The following CNTN4 variants were observed in gnomAD, a reference collection of about 807,000 sequenced individuals.
CNTN4 encodes the protein contactin-4.
In CNTN4, 77 loss-of-function variants were observed where a neutral mutation model predicts 122.5. The ratio of observed to expected loss-of-function variants is 0.63; its 90% CI spans 0.52 to 0.76. The LOEUF (loss-of-function observed/expected upper bound fraction) is 0.76. CNTN4 is among the 30% of genes least tolerant of loss of function. The probability of loss-of-function intolerance (pLI) is 0.00; values close to 1 mark genes in which losing one functional copy is unlikely to be tolerated. For missense variants in CNTN4, 1,256 were observed against 1,259.1 expected, an observed-to-expected ratio of 1.00 and a Z score of 0.04; for synonymous variants, 512 against 447.0, an observed-to-expected ratio of 1.15 and a Z score of -1.83.
chr3:2,402,138 C>T (rs1466872876), intron 3 of CNTN4, among the ~76,000 whole-genome samples: 8 of 152,092 alleles, frequency 5.3e-5, no homozygotes, highest in African/African-American at 1.7e-4. Context: ...CTCACTAGGA[C>T]AGCTATCCTC....
At chr3:2,478,278 C>G (rs943922272) in intron 3 of CNTN4, among the ~76,000 whole-genome samples, 2 of 152,192 alleles carry the variant, frequency 1.3e-5, no homozygotes, top group East Asian at 3.9e-4. Context: ...GGATCGAGGG[C>G]TAGAAGTCTA....
At chr3:2,448,240 C>G (rs1461318047) in intron 3 of CNTN4, among the ~76,000 whole-genome samples, 2 of 152,100 alleles carry the variant, frequency 1.3e-5, no homozygotes, top group African/African-American at 4.8e-5. Context: ...AAGCCTGGGG[C>G]AGAGAATGTA....
chr3:2,609,914 C>T (rs1003611551), intron 4 of CNTN4, among the ~76,000 whole-genome samples: 2 of 152,218 alleles, frequency 1.3e-5, no homozygotes, highest in African/African-American at 2.4e-5. Flanking sequence ...TAGCATAAAA[C>T]TTTATTTTCT....
intron 3 of CNTN4, among the ~76,000 whole-genome samples, chr3:2,480,900 A>G (rs1266189441): frequency 1.3e-5 from 2 of 152,226 alleles, no homozygotes; most frequent in East Asian, 3.9e-4. Flanking sequence ...AAGAACAGAC[A>G]AATAGATCAG....
chr3:2,337,614 A>G (rs2044008077), intron 2 of CNTN4, among the ~76,000 whole-genome samples: 1 of 152,130 alleles, frequency 6.6e-6, no homozygotes, highest in African/African-American at 2.4e-5. Flanking sequence ...AATTGAACCA[A>G]TATCCCATCC....
intron 4 of CNTN4, among the ~76,000 whole-genome samples, chr3:2,604,082 T>A (rs1047298552): frequency 1.3e-5 from 2 of 152,144 alleles, no homozygotes; most frequent in African/African-American, 2.4e-5. Flanking sequence ...GGAAGTGAGA[T>A]GTAATTTCTG....
chr3:2,310,626 C>T (rs1216441543), intron 2 of CNTN4, among the ~76,000 whole-genome samples: 1 of 152,092 alleles, frequency 6.6e-6, no homozygotes, highest in Non-Finnish European at 1.5e-5. Context: ...TACACCATTA[C>T]TTGTTCCCTT....
intron 3 of CNTN4, among the ~76,000 whole-genome samples, chr3:2,557,980 C>CTAT (rs2078790592): frequency 6.6e-6 from 1 of 152,054 alleles, no homozygotes; most frequent in Non-Finnish European, 1.5e-5. Context: ...ATGCAGCAAA[C>CTAT]TATAAATATA....
chr3:2,478,570 C>T (rs1044121281), intron 3 of CNTN4, among the ~76,000 whole-genome samples: 2 of 152,112 alleles, frequency 1.3e-5, no homozygotes, highest in African/African-American at 4.8e-5. Context: ...CTTCCTGATC[C>T]TCTCCCTCCG....
chr3:2,209,220 C>T (rs1279591777), intron 2 of CNTN4, among the ~76,000 whole-genome samples: 1 of 152,110 alleles, frequency 6.6e-6, no homozygotes, highest in East Asian at 1.9e-4. Flanking sequence ...ATGTTCCTGT[C>T]AATCTCACAC....
chr3:2,668,881 G>A (rs1403947843), intron 4 of CNTN4, among the ~76,000 whole-genome samples: 2 of 152,126 alleles, frequency 1.3e-5, no homozygotes, highest in Non-Finnish European at 2.9e-5. Context: ...CTGTTTATAT[G>A]CTGGATTACG....
chr3:2,759,242 G>A (rs111512299), intron 6 of CNTN4, among the ~76,000 whole-genome samples: 1,711 of 152,058 alleles, frequency 0.011, 29 homozygotes, highest in African/African-American at 0.039. Context: ...TGCAACCTCT[G>A]CCTCCCGGCT....
chr3:2,240,260 A>G (rs1482545294), intron 2 of CNTN4, among the ~76,000 whole-genome samples: 1 of 152,160 alleles, frequency 6.6e-6, no homozygotes, highest in Admixed American at 6.5e-5. Context: ...TATTCATTTG[A>G]GATATGTTTT....
intron 12 of CNTN4, among the ~76,000 whole-genome samples, chr3:2,923,785 A>G (rs1267842016): frequency 6.6e-6 from 1 of 152,168 alleles, no homozygotes; most frequent in Non-Finnish European, 1.5e-5. Flanking sequence ...TCATGTTTAT[A>G]TTTAATTATG....
chr3:2,470,815 T>G (rs954964206), intron 3 of CNTN4, among the ~76,000 whole-genome samples: 1 of 152,212 alleles, frequency 6.6e-6, no homozygotes, highest in Non-Finnish European at 1.5e-5. Flanking sequence ...GAAGCTGAAC[T>G]GAGGAAAGTT....
chr3:2,763,196 C>T (rs558155210), intron 6 of CNTN4, among the ~76,000 whole-genome samples: 6 of 152,278 alleles, frequency 3.9e-5, no homozygotes, highest in South Asian at 2.1e-4. Context: ...CCGCCCACCT[C>T]GGCCTCCCAA....
chr3:2,689,791 G>A (rs529809809), intron 4 of CNTN4, among the ~76,000 whole-genome samples: 2 of 151,992 alleles, frequency 1.3e-5, no homozygotes, highest in South Asian at 2.1e-4. Context: ...ACCACAATAC[G>A]AATCCAGGGC....
intron 2 of CNTN4, among the ~76,000 whole-genome samples, chr3:2,134,961 A>T (rs953404426): frequency 6.6e-6 from 1 of 152,144 alleles, no homozygotes; most frequent in African/African-American, 2.4e-5. Context: ...AGTACATTTG[A>T]CCAAATGTCT....
intron 2 of CNTN4, among the ~76,000 whole-genome samples, chr3:2,271,628 A>G (rs1201051366): frequency 6.6e-6 from 1 of 152,146 alleles, no homozygotes; most frequent in Non-Finnish European, 1.5e-5. Flanking sequence ...AGCCAAGAAA[A>G]CAGCCAACTG....
Sources: allele counts gnomAD v4.1 joint callset (sites outside exome capture counted in the v4.1 genomes callset), GRCh38; gene constraint gnomAD v4.1.1; transcripts MANE v1.5; gene names NCBI Gene and HGNC (gene_info 2026-07-23, HGNC 2026-07-21).